The following CENPK variants were observed in gnomAD, a reference collection of about 807,000 sequenced individuals.
CENPK encodes the protein centromere protein K.
Under a neutral mutation model 40.9 loss-of-function variants are expected in CENPK, and 46 were observed. The ratio of observed to expected loss-of-function variants is 1.13; its 90% CI spans 0.89 to 1.44. CENPK has a LOEUF of 1.44. Ranked by LOEUF, CENPK falls within the 40% of genes most tolerant of loss-of-function variation. The pLI, the probability that CENPK is intolerant of heterozygous loss-of-function variation, is 0.00. For missense variants in CENPK, 288 were observed against 303.5 expected (o/e 0.95, Z 0.38); for synonymous variants, 107 against 104.4 (o/e 1.02, Z -0.15).
intron 9 of CENPK, among the ~76,000 whole-genome samples, chr5:65,523,518 C>T (rs535820197): frequency 1.3e-5 from 2 of 151,958 alleles, no homozygotes; most frequent in South Asian, 2.1e-4. Context: ...TCAAGAGAGC[C>T]GAGCAGGCTC....
intron 5 of CENPK, among the ~76,000 whole-genome samples, chr5:65,548,019 A>C (rs970285674): frequency 6.6e-6 from 1 of 152,186 alleles, no homozygotes; most frequent in Non-Finnish European, 1.5e-5. Flanking sequence ...GAAGACTAAG[A>C]AGGGAAGCAT....
In CENPK at chr5:65,529,169, C is replaced by T. The variant is rs1193606113; in HGVS notation, c.319G>A (p.Val107Ile). The T allele has an allele frequency of 6.2e-7, 1 of 1,610,248 alleles. No homozygotes were observed. Among genetic ancestry groups the T allele is most frequent in the South Asian group, 1.1e-5 (1 of 90,458 alleles). ...TTCTTTGACTCCTTAGTGGACAGTA[C>T]CATTTCAAGATCTTGTCTCAGCTTT... is the stretch of plus-strand genomic sequence containing the variant. Reference protein sequence around the residue: ...FQKLRQDLEMVLSTKESKNEK... With the variant: ...FQKLRQDLEMILSTKESKNEK... Residue 107 changes from valine to isoleucine, a missense_variant, in exon 7 of 11, where the codon GTA becomes ATA. Coordinates refer to ENST00000396679, the MANE Select transcript of CENPK (RefSeq NM_022145.5).
At chr5:65,541,506 G>T (rs1244018243) in intron 6 of CENPK, 1 of 451,698 alleles carries the variant, frequency 2.2e-6, no homozygotes, top group African/African-American at 2.0e-5. Context: ...ACGTTGTATT[G>T]AGTGGTGACG....
the CENPK span, among the ~76,000 whole-genome samples, chr5:65,505,413 A>C: frequency 6.6e-6 from 1 of 152,214 alleles, no homozygotes; most frequent in Non-Finnish European, 1.5e-5. Flanking sequence ...CAAGAGGATC[A>C]CTTGAGGCCA....
intron 6 of CENPK, chr5:65,529,433 A>G: frequency 5.1e-6 from 2 of 393,890 alleles, no homozygotes; most frequent in South Asian, 8.6e-5. Context: ...TTAATATCAT[A>G]TTGAAAGGCA....
At chr5:65,536,149 G>A (rs1746856041) in intron 6 of CENPK, among the ~76,000 whole-genome samples, 1 of 152,110 alleles carries the variant, frequency 6.6e-6, no homozygotes, top group South Asian at 2.1e-4. Flanking sequence ...AAGTTTTTGG[G>A]ACAGATGCTG....
At chr5:65,497,773 G>A in the CENPK span, among the ~76,000 whole-genome samples, 15 of 152,304 alleles carry the variant, frequency 9.8e-5, no homozygotes, top group African/African-American at 3.1e-4. Flanking sequence ...TTGAGGGTGA[G>A]GTGGGAGGCT....
chr5:65,498,141 C>G, the CENPK span, among the ~76,000 whole-genome samples: 1 of 151,970 alleles, frequency 6.6e-6, no homozygotes, highest in Non-Finnish European at 1.5e-5. Flanking sequence ...CTTACATTAT[C>G]ATTTGCTACC....
chr5:65,526,553 A>T (rs1744743675), intron 9 of CENPK, among the ~76,000 whole-genome samples: 1 of 152,218 alleles, frequency 6.6e-6, no homozygotes, highest in Non-Finnish European at 1.5e-5. Flanking sequence ...GATATGCAAG[A>T]TAGAAGAGAT....
chr5:65,541,476 T>C (rs1258359375), intron 6 of CENPK: 1 of 456,084 alleles, frequency 2.2e-6, no homozygotes, highest in Non-Finnish European at 4.4e-6. Context: ...TCCCCACACA[T>C]TTTGGTAACC....
chr5:65,517,705 T>TA (rs949228444), downstream of CENPK: 1 of 152,164 alleles, frequency 6.6e-6, no homozygotes, highest in African/African-American at 2.4e-5. Flanking sequence ...TCCTATATCT[T>TA]AGTTTATCGG....
chr5:65,539,675 C>G (rs1430865333), intron 6 of CENPK, among the ~76,000 whole-genome samples: 5 of 98,928 alleles, frequency 5.1e-5, no homozygotes, highest in African/African-American at 1.4e-4. Flanking sequence ...CCTCTAGCAG[C>G]TCTCTGTCTG....
intron 2 of CENPK, among the ~76,000 whole-genome samples, chr5:65,557,746 A>C (rs902707247): frequency 3.3e-5 from 5 of 152,212 alleles, no homozygotes; most frequent in African/African-American, 9.6e-5. Flanking sequence ...CGTAATAAAT[A>C]GTTGTTTTAC....
the CENPK span, among the ~76,000 whole-genome samples, chr5:65,509,677 A>G: frequency 6.6e-6 from 1 of 152,206 alleles, no homozygotes; most frequent in Non-Finnish European, 1.5e-5. Flanking sequence ...TAGATCATAT[A>G]AAGGCATGCT....
chr5:65,521,355 T>C (rs1314711065), intron 10 of CENPK, 120 bp downstream of exon 10: 1 of 669,956 alleles, frequency 1.5e-6, no homozygotes, highest in Non-Finnish European at 2.6e-6. Context: ...ATATATTTAA[T>C]AAAGATTGAT....
intron 4 of CENPK, 57 bp downstream of exon 4, chr5:65,552,436 C>A: frequency 8.9e-7 from 1 of 1,125,580 alleles, no homozygotes; most frequent in Non-Finnish European, 1.3e-6. Context: ...TATTTATTTT[C>A]CAAAATACAA....
chr5:65,556,857 T>C (rs1751061915), intron 2 of CENPK, among the ~76,000 whole-genome samples: 1 of 152,220 alleles, frequency 6.6e-6, no homozygotes. Flanking sequence ...TAGAAATGTT[T>C]AAATACAAAA....
the CENPK span, among the ~76,000 whole-genome samples, chr5:65,509,128 G>A: frequency 6.6e-6 from 1 of 152,128 alleles, no homozygotes; most frequent in African/African-American, 2.4e-5. Flanking sequence ...ATCCCTTTAT[G>A]TTTACCCTTT....
intron 3 of CENPK, among the ~76,000 whole-genome samples, chr5:65,553,446 A>G (rs561932672): frequency 4.3e-5 from 6 of 138,478 alleles, no homozygotes; most frequent in African/African-American, 1.0e-4. Flanking sequence ...CAGGTTGGAC[A>G]AGCTTGCCTT....
Sources: allele counts gnomAD v4.1 joint callset (sites outside exome capture counted in the v4.1 genomes callset), GRCh38; gene constraint gnomAD v4.1.1; transcripts MANE v1.5; gene names NCBI Gene and HGNC (gene_info 2026-07-23, HGNC 2026-07-21).